Variants in CHD8 observed in about 807,000 individuals in gnomAD.
CHD8 encodes chromodomain helicase DNA binding protein 8.
Under a neutral mutation model 279.2 loss-of-function variants are expected in CHD8, and 31 were observed. The ratio of observed to expected loss-of-function variants is 0.11; its 90% CI spans 0.08 to 0.15. The LOEUF (loss-of-function observed/expected upper bound fraction) is 0.15, where lower values mean the gene tolerates loss of function less well. CHD8 is among the 10% of genes least tolerant of loss of function. The pLI is 1.00. For synonymous variants in CHD8, 1,081 were observed against 1,139.6 expected (o/e 0.95, Z 1.04); for missense variants, 2,146 against 3,230.5 (o/e 0.66, Z 8.14).
At chr14:21,441,852 G>A (rs1054923367) in intron 1 of CHD8, among the ~76,000 whole-genome samples, 6 of 152,022 alleles carry the variant, frequency 3.9e-5, no homozygotes, top group Admixed American at 6.6e-5. Flanking sequence ...TTGCGCCACT[G>A]CACTCCAGCC....
chr14:21,446,500 G>A (rs1171940854), intron 1 of CHD8, among the ~76,000 whole-genome samples: 2 of 152,042 alleles, frequency 1.3e-5, no homozygotes, highest in African/African-American at 2.4e-5. Flanking sequence ...TGGTAGAGAC[G>A]GGGTTTCGCC....
At chr14:21,415,523 AAAT>A (rs1051003995) in intron 7 of CHD8, 48 bp downstream of exon 7, 1 of 962,164 alleles carries the variant, frequency 1.0e-6, no homozygotes, top group African/African-American at 1.7e-5. Context: ...ATAAATAAAT[AAAT>A]AAATAAATAA....
intron 11 of CHD8, among the ~76,000 whole-genome samples, chr14:21,409,632 C>G (rs1888394611): frequency 6.6e-6 from 1 of 152,032 alleles, no homozygotes; most frequent in African/African-American, 2.4e-5. Flanking sequence ...TTTAAAATAA[C>G]CTGGGAAACA....
At chr14:21,392,263 G>A in intron 34 of CHD8, 1 of 763,410 alleles carries the variant, frequency 1.3e-6, no homozygotes, top group South Asian at 1.4e-5. Flanking sequence ...GCAAAATCCT[G>A]CTATTCCTAA....
Position 21,399,670 on chromosome 14 carries a change from A to G in CHD8, c.4853T>C (p.Leu1618Pro), listed in dbSNP as rs756622875. 6 of 1,613,612 alleles carry G rather than the reference A, an allele frequency of 3.7e-6. No homozygotes were observed. In the African/African-American group the frequency reaches 8.0e-5, roughly 22 times the overall value. ...GTCCCACCAAGTTGTTGGAACCTCC[A>G]GTTGATCCACTACTGGGAACCATAT... ...IDIWFPVVDQLEVPTTWWDSE... is the reference protein window; with the variant it reads ...IDIWFPVVDQPEVPTTWWDSE... Residue 1618 changes from leucine (L) to proline (P), a missense_variant, in exon 26 of 38, where the codon CTG becomes CCG. Leu to Pro is a moderately conservative substitution (Grantham distance 98). Around this residue, in one of 26 missense-constraint regions of CHD8, gnomAD observed 33 missense variants for 34.8 expected, o/e 0.95. Coordinates refer to ENST00000646647, the MANE Select transcript of CHD8 (RefSeq NM_001170629.2).
chr14:21,395,198 G>A (rs1023306162), intron 29 of CHD8, 79 bp from the exon 30 acceptor site: 20 of 1,533,552 alleles, frequency 1.3e-5, no homozygotes, highest in Admixed American at 1.1e-4. Context: ...CCCACCCAAA[G>A]GCAAAGCTCT....
chr14:21,407,514 AAAG>A (rs1455216512), intron 13 of CHD8, among the ~76,000 whole-genome samples: 1 of 152,270 alleles, frequency 6.6e-6, no homozygotes, highest in Admixed American at 6.5e-5. Context: ...GAAATAAAAA[AAAG>A]AAAACTAATA....
Position 21,403,372 on chromosome 14 carries a change from T to C in CHD8, c.3518+81A>G, listed in dbSNP as rs1457193522. 6 of 1,306,438 alleles carry C rather than the reference T, an allele frequency of 4.6e-6. No individual in the cohort carries two copies. In the Admixed American group the frequency reaches 1.1e-4, roughly 24 times the overall value. The allele number at this position is 1,306,438 out of a possible 1,614,324, so 80.9% of individuals were successfully genotyped here. On this transcript the variant is annotated intron_variant, in intron 17 of 37. Transcript: ENST00000646647. This position sits in a 1 kb window ranked among gnomAD's most constrained non-coding sequence, Gnocchi z 4.3. ...ACTTCTCTTATTGCAATTGGTGAAC[T>C]CTAATTAAATCCAGGCCCTCCTACT...
At chr14:21,428,370 C>G in intron 3 of CHD8, 116 bp from the exon 4 acceptor site, 1 of 920,766 alleles carries the variant, frequency 1.1e-6, no homozygotes, top group Non-Finnish European at 1.6e-6. Flanking sequence ...AAGAATCAAG[C>G]TCAGACTAAA....
chr14:21,429,620 C>A, intron 2 of CHD8: 1 of 485,738 alleles, frequency 2.1e-6, no homozygotes, highest in Non-Finnish European at 3.9e-6. Flanking sequence ...CAACCTGGGC[C>A]AATTCATCCC....
At position 21,405,172 on chromosome 14, in the gene CHD8, C is replaced by G; in HGVS notation, c.3307+37G>C. ...ATCATCCGGAAAGTAAACACAGGTA[C>G]TACAGAAGTTCAGGTATATACCAAG... On this transcript the variant is annotated intron_variant, in intron 16 of 37. Coordinates refer to ENST00000646647, the MANE Select transcript of CHD8 (RefSeq NM_001170629.2). The surrounding 1 kb of genome is among the most constrained non-coding windows in gnomAD (Gnocchi z 4.2). The G allele has an allele frequency of 1.2e-6, 2 of 1,602,248 alleles. No individual in the cohort carries two copies. Among genetic ancestry groups the G allele is most frequent in the Non-Finnish European group, 1.7e-6 (2 of 1,171,224 alleles).
chr14:21,405,480 G>C lies in CHD8; in HGVS notation c.3052-16C>G. The C allele has an allele frequency of 6.3e-7, 1 of 1,595,762 alleles. No homozygotes were observed. Among genetic ancestry groups the C allele is most frequent in the Middle Eastern group, 1.7e-4 (1 of 6,028 alleles). On this transcript the variant is annotated splice_polypyrimidine_tract_variant and intron_variant, in intron 15 of 37. Transcript: ENST00000646647. This position sits in a 1 kb window ranked among gnomAD's most constrained non-coding sequence, Gnocchi z 4.2. ...GCTTTTGAACCTGTGGTCCATTACA[G>C]AGAGAAAAATAAATCAATAAGATGA...
chr14:21,389,330 G>A (rs888477575), intron 37 of CHD8, among the ~76,000 whole-genome samples: 1 of 150,356 alleles, frequency 6.7e-6, no homozygotes, highest in African/African-American at 2.5e-5. Context: ...ACAACTATTG[G>A]CCAGGCACAG....
At chr14:21,443,430 T>C (rs544987898) in intron 1 of CHD8, among the ~76,000 whole-genome samples, 2 of 152,048 alleles carry the variant, frequency 1.3e-5, no homozygotes. Flanking sequence ...ATCAGAATAA[T>C]GCCTTCTTAA....
intron 1 of CHD8, among the ~76,000 whole-genome samples, chr14:21,451,687 C>T (rs1398471674): frequency 6.7e-6 from 1 of 150,192 alleles, no homozygotes; most frequent in Non-Finnish European, 1.5e-5. Flanking sequence ...GTAGAAATTA[C>T]GTGCTTTAAG....
At chr14:21,394,819 G>A (rs1207513367) in intron 30 of CHD8, 93 bp downstream of exon 30, 20 of 1,356,280 alleles carry the variant, frequency 1.5e-5, no homozygotes, top group South Asian at 1.3e-5. Flanking sequence ...TCCCTCTGTA[G>A]AGAATTCCAA....
chr14:21,431,901 G>A, intron 1 of CHD8, 43 bp from the exon 2 acceptor site: 1 of 1,376,772 alleles, frequency 7.3e-7, no homozygotes, highest in Non-Finnish European at 1.0e-6. Context: ...AGGCAAAGTT[G>A]GCGATCTCAG....
intron 30 of CHD8, 77 bp downstream of exon 30, chr14:21,394,835 T>G (rs1251861522): frequency 2.7e-6 from 4 of 1,462,764 alleles, no homozygotes; most frequent in Non-Finnish European, 3.8e-6. Context: ...TCCAAATAAA[T>G]CCTTCCTGAG....
In CHD8 at chr14:21,402,304, T is replaced by C. The variant is rs756098721; in HGVS notation, c.3882+32A>G. 1 of 1,611,800 alleles carries C rather than the reference T, an allele frequency of 6.2e-7. No homozygotes were observed. The highest frequency in any genetic ancestry group is 2.2e-5 in the East Asian group (1 of 44,862). ...GTTTCCCTCTATCACAATGATCTAC[T>C]ACAAACTTATCTATAAACTAAGAGG... On this transcript the variant is annotated intron_variant, in intron 19 of 37. Transcript: ENST00000646647. This position sits in a 1 kb window ranked among gnomAD's most constrained non-coding sequence, Gnocchi z 4.5.
Sources: gnomAD v4.1 joint callset for allele counts (sites outside exome capture counted in the v4.1 genomes callset) on GRCh38, gnomAD v4.1.1 for gene constraint, gnomAD v4.1.1 regional missense constraint, Gnocchi (gnomAD v3.1) non-coding constraint, MANE v1.5 for transcripts, NCBI Gene and HGNC (gene_info 2026-07-23, HGNC 2026-07-21) for gene names.